Variants in ENOX1 observed in about 807,000 individuals in gnomAD.
The protein encoded by ENOX1 is candidate growth-related and time keeping constitutive hydroquinone (NADH) oxidase.
A neutral mutation model predicts 82.5 loss-of-function variants in ENOX1; 42 were observed. That is an observed-to-expected ratio of 0.51 (90% CI 0.40 to 0.66). The LOEUF (loss-of-function observed/expected upper bound fraction) is 0.66. Among genes scored for constraint, ENOX1 ranks in the 30% least tolerant of loss-of-function variants. ENOX1 has a pLI of 0.00. For synonymous variants in ENOX1, 271 were observed against 282.2 expected (o/e 0.96, Z 0.40); for missense variants, 608 against 811.6 (o/e 0.75, Z 3.05).
chr13:43,545,846 C>T lies in ENOX1; in HGVS notation c.-218-61694G>A, dbSNP rs568445641. The T allele has an allele frequency of 2.0e-5, 3 of 152,318 alleles. No homozygotes were observed. The East Asian group carries it at 5.8e-4, about 29-fold the overall frequency. 9.4% of individuals were successfully genotyped at this position (152,318 alleles called of 1,614,324 possible). On this transcript the variant is annotated intron_variant, in intron 2 of 16. Coordinates refer to ENST00000690772, the MANE Select transcript of ENOX1 (RefSeq NM_001347969.2). ...TTGTTGGCATCTACTATCCTCTCTC[C>T]TCTTTTATTCAATAAAGTGATCCAC...
At chr13:43,380,473 C>T (rs2051962469) in intron 5 of ENOX1, among the ~76,000 whole-genome samples, 1 of 151,152 alleles carries the variant, frequency 6.6e-6, no homozygotes, top group Admixed American at 6.6e-5. Flanking sequence ...ATACTAAGTC[C>T]AAAAGGTGGC....
At chr13:43,462,427 G>A (rs929114512) in intron 3 of ENOX1, among the ~76,000 whole-genome samples, 6 of 152,192 alleles carry the variant, frequency 3.9e-5, no homozygotes, top group African/African-American at 1.2e-4. Flanking sequence ...TTAACATTTA[G>A]AAGTAGGCAC....
intron 1 of ENOX1, among the ~76,000 whole-genome samples, chr13:43,753,609 A>G (rs1233900373): frequency 6.6e-6 from 1 of 152,184 alleles, no homozygotes; most frequent in Non-Finnish European, 1.5e-5. Context: ...CCCATAGGGA[A>G]AGACACGCTG....
chr13:43,725,003 A>G (rs1294018638), intron 1 of ENOX1, among the ~76,000 whole-genome samples: 1 of 152,200 alleles, frequency 6.6e-6, no homozygotes, highest in East Asian at 1.9e-4. Context: ...GAGAGGGCAC[A>G]GCTGCCTCCA....
intron 11 of ENOX1, among the ~76,000 whole-genome samples, chr13:43,311,148 C>G (rs76047922): frequency 0.011 from 1,712 of 152,030 alleles, 29 homozygotes; most frequent in African/African-American, 0.039. Context: ...ACATAGTGCT[C>G]TGCATCCCAC....
chr13:43,587,072 G>GA (rs10713584), intron 2 of ENOX1, among the ~76,000 whole-genome samples: 4,683 of 133,106 alleles, frequency 0.035, 227 homozygotes, highest in African/African-American at 0.12. Context: ...GACTATCTCA[G>GA]AAAAAAAAAA....
At chr13:43,411,175 T>C (rs1368225655) in intron 5 of ENOX1, among the ~76,000 whole-genome samples, 1 of 152,238 alleles carries the variant, frequency 6.6e-6, no homozygotes, top group Non-Finnish European at 1.5e-5. Flanking sequence ...TCATTGTTTT[T>C]CAGGTGTTGG....
chr13:43,446,041 C>T (rs900085136), intron 3 of ENOX1, among the ~76,000 whole-genome samples: 4 of 152,162 alleles, frequency 2.6e-5, no homozygotes, highest in Admixed American at 6.5e-5. Context: ...AGTCTGTCTC[C>T]CTTCTTCCTA....
chr13:43,587,707 T>C (rs887193416), intron 2 of ENOX1, among the ~76,000 whole-genome samples: 1 of 152,216 alleles, frequency 6.6e-6, no homozygotes, highest in African/African-American at 2.4e-5. Context: ...ATTGGAACCA[T>C]TAGACTGAAA....
chr13:43,524,948 G>A (rs917040537), intron 2 of ENOX1, among the ~76,000 whole-genome samples: 10 of 152,172 alleles, frequency 6.6e-5, no homozygotes, highest in African/African-American at 1.9e-4. Flanking sequence ...CAGTGTCACC[G>A]ATGTCTAGAA....
chr13:43,586,204 C>T (rs1279980232), intron 2 of ENOX1, among the ~76,000 whole-genome samples: 3 of 152,222 alleles, frequency 2.0e-5, no homozygotes, highest in Non-Finnish European at 4.4e-5. Flanking sequence ...ATTCACCAAA[C>T]TGCCCCAGAG....
chr13:43,650,761 G>A (rs373302397), intron 2 of ENOX1, among the ~76,000 whole-genome samples: 3 of 152,202 alleles, frequency 2.0e-5, no homozygotes, highest in South Asian at 4.1e-4. Flanking sequence ...TTGCTTGAAC[G>A]TGGGAGGCAG....
At chr13:43,672,422 T>A (rs1169138923) in intron 1 of ENOX1, among the ~76,000 whole-genome samples, 1 of 152,204 alleles carries the variant, frequency 6.6e-6, no homozygotes, top group Non-Finnish European at 1.5e-5. Flanking sequence ...TTTCATCACC[T>A]AGCATAAAAA....
At chr13:43,279,301 G>A (rs1271824938) in intron 12 of ENOX1, among the ~76,000 whole-genome samples, 1 of 152,140 alleles carries the variant, frequency 6.6e-6, no homozygotes, top group Non-Finnish European at 1.5e-5. Context: ...GCTGCATGTC[G>A]GCATTTCAAA....
At chr13:43,554,306 C>T (rs2079339795) in intron 2 of ENOX1, among the ~76,000 whole-genome samples, 1 of 152,190 alleles carries the variant, frequency 6.6e-6, no homozygotes, top group Non-Finnish European at 1.5e-5. Flanking sequence ...AGGCACTTAA[C>T]AGCAGTCTGG....
At chr13:43,487,164 T>C (rs1210133566) in intron 2 of ENOX1, among the ~76,000 whole-genome samples, 2 of 149,358 alleles carry the variant, frequency 1.3e-5, no homozygotes, top group Non-Finnish European at 3.0e-5. Flanking sequence ...AAAGTGAGAC[T>C]CTGTCTCAAA....
In ENOX1 at chr13:43,571,122, C is replaced by A. The variant is rs1032282453; in HGVS notation, c.-218-86970G>T. The stretch of plus-strand genomic sequence containing the variant: ...AAATTCATAAAAGGCACAGAATCTC[C>A]TATTCTGTTATGCTTTAAGCAGCCT... On this transcript the variant is annotated intron_variant, in intron 2 of 16. Coordinates refer to ENST00000690772, the MANE Select transcript of ENOX1 (RefSeq NM_001347969.2). Among the ~76,000 whole-genome samples the A allele has an allele frequency of 4.6e-5, 7 of 152,108 alleles. No homozygotes were observed. In the East Asian group the frequency reaches 1.4e-3, roughly 29 times the overall value.
At chr13:43,779,248 C>A (rs1453681202) in intron 1 of ENOX1, among the ~76,000 whole-genome samples, 1 of 148,636 alleles carries the variant, frequency 6.7e-6, no homozygotes, top group African/African-American at 2.5e-5. Context: ...AACCTTGTGA[C>A]AGAATTTAAG....
At chr13:43,616,088 A>C (rs1362583443) in intron 2 of ENOX1, among the ~76,000 whole-genome samples, 2 of 58,864 alleles carry the variant, frequency 3.4e-5, no homozygotes, top group Non-Finnish European at 1.1e-4. Flanking sequence ...GACATTATAT[A>C]TATATATCTA....
Sources: gnomAD v4.1 joint callset for allele counts (sites outside exome capture counted in the v4.1 genomes callset) on GRCh38, gnomAD v4.1.1 for gene constraint, MANE v1.5 for transcripts, NCBI Gene and HGNC (gene_info 2026-07-23, HGNC 2026-07-21) for gene names.